The following DPP6 variants were observed in gnomAD, a reference collection of about 807,000 sequenced individuals.
DPP6 encodes A-type potassium channel modulatory protein DPP6.
DPP6 carries 69 observed loss-of-function variants against 122.6 expected under a neutral mutation model. The observed-to-expected ratio is 0.56, with a 90% confidence interval of 0.46 to 0.69. The LOEUF is 0.69. Ranked by LOEUF, DPP6 falls within the 30% of genes least tolerant of loss-of-function variation. The pLI, the probability that DPP6 is intolerant of heterozygous loss-of-function variation, is 0.00. For missense variants in DPP6, 928 were observed against 1,116.9 expected (o/e 0.83, Z 2.41); for synonymous variants, 418 against 433.1 (o/e 0.97, Z 0.43).
intron 1 of DPP6, among the ~76,000 whole-genome samples, chr7:154,013,467 T>TTTTTC: frequency 6.6e-6 from 1 of 151,238 alleles, no homozygotes; most frequent in South Asian, 2.1e-4. Flanking sequence ...TCTTTTTTTT[T>TTTTTC]TTTTTTTAAC....
chr7:153,898,345 G>T (rs1799495648), intron 1 of DPP6, among the ~76,000 whole-genome samples: 1 of 152,096 alleles, frequency 6.6e-6, no homozygotes, highest in Non-Finnish European at 1.5e-5. Context: ...CCAGCTACTT[G>T]GGAGGCTTAG....
chr7:153,875,939 A>AC, the DPP6 span, among the ~76,000 whole-genome samples: 2 of 150,580 alleles, frequency 1.3e-5, no homozygotes, highest in African/African-American at 2.4e-5. Flanking sequence ...AAAAAAAAAA[A>AC]CCCTGAAAAA....
At chr7:154,861,892 G>T (rs1196502733) in intron 17 of DPP6, among the ~76,000 whole-genome samples, 1 of 152,186 alleles carries the variant, frequency 6.6e-6, no homozygotes, top group Non-Finnish European at 1.5e-5. Context: ...TAAATAAATG[G>T]AGAGAGAGGA....
intron 1 of DPP6, among the ~76,000 whole-genome samples, chr7:154,324,975 C>T (rs2151025284): frequency 6.6e-6 from 1 of 151,308 alleles, no homozygotes. Context: ...GTTCTCCTGC[C>T]TCACTCAGCC....
At chr7:154,044,154 G>A (rs948093042) in intron 1 of DPP6, among the ~76,000 whole-genome samples, 3 of 152,170 alleles carry the variant, frequency 2.0e-5, no homozygotes, top group African/African-American at 4.8e-5. Flanking sequence ...GGCAATTTCG[G>A]TGTACCTCTC....
At chr7:154,118,237 CTG>C (rs887582251) in intron 1 of DPP6, among the ~76,000 whole-genome samples, 4 of 150,742 alleles carry the variant, frequency 2.7e-5, no homozygotes, top group African/African-American at 9.9e-5. Context: ...AGTCAAGCAA[CTG>C]TATATTTCTT....
chr7:154,522,228 C>G (rs1159132935), intron 3 of DPP6, among the ~76,000 whole-genome samples: 1 of 152,198 alleles, frequency 6.6e-6, no homozygotes, highest in Non-Finnish European at 1.5e-5. Flanking sequence ...CCCGCCTGGG[C>G]CTCCCAAAAT....
At chr7:153,798,132 G>C in the DPP6 span, among the ~76,000 whole-genome samples, 1 of 152,078 alleles carries the variant, frequency 6.6e-6, no homozygotes, top group Non-Finnish European at 1.5e-5. Context: ...GTGAGCCACC[G>C]TGCCCAGCCC....
At chr7:154,775,629 T>C (rs968685819) in intron 10 of DPP6, among the ~76,000 whole-genome samples, 1 of 151,742 alleles carries the variant, frequency 6.6e-6, no homozygotes, top group East Asian at 1.9e-4. Context: ...ATAGAGGCAA[T>C]TGAACAAGGA....
At chr7:154,472,684 C>G (rs1463078972) in intron 2 of DPP6, among the ~76,000 whole-genome samples, 1 of 152,140 alleles carries the variant, frequency 6.6e-6, no homozygotes, top group Non-Finnish European at 1.5e-5. Context: ...GGGAATGAAT[C>G]AAATGATAAA....
chr7:154,798,123 C>T (rs968716165), intron 12 of DPP6, among the ~76,000 whole-genome samples: 2 of 152,214 alleles, frequency 1.3e-5, no homozygotes, highest in African/African-American at 2.4e-5. Flanking sequence ...TCCCTGTCCC[C>T]CTCAAGAGGC....
chr7:154,442,514 C>T (rs1819471716), intron 1 of DPP6, among the ~76,000 whole-genome samples: 1 of 151,794 alleles, frequency 6.6e-6, no homozygotes, highest in South Asian at 2.1e-4. Context: ...TTCCAGGAAA[C>T]AGAAAAGTTG....
At chr7:153,941,338 G>A (rs1801687493) in intron 1 of DPP6, among the ~76,000 whole-genome samples, 1 of 152,208 alleles carries the variant, frequency 6.6e-6, no homozygotes, top group Non-Finnish European at 1.5e-5. Flanking sequence ...TTTCTCTAAA[G>A]CAAACACATG....
chr7:154,652,640 C>T (rs966235970), intron 6 of DPP6, among the ~76,000 whole-genome samples: 1 of 152,128 alleles, frequency 6.6e-6, no homozygotes, highest in African/African-American at 2.4e-5. Context: ...GCTACATGTG[C>T]ACCATGTCCC....
chr7:154,070,800 C>T (rs1393081679), intron 1 of DPP6, among the ~76,000 whole-genome samples: 2 of 151,944 alleles, frequency 1.3e-5, no homozygotes, highest in Non-Finnish European at 2.9e-5. Context: ...CAAACCATTC[C>T]CAATAAGTGA....
At chr7:154,374,097 G>A (rs773510856) in intron 1 of DPP6, among the ~76,000 whole-genome samples, 1 of 152,172 alleles carries the variant, frequency 6.6e-6, no homozygotes, top group East Asian at 1.9e-4. Context: ...ACCCTGTCAC[G>A]TTGCTGTGTC....
intron 1 of DPP6, among the ~76,000 whole-genome samples, chr7:154,112,139 G>A (rs1167256743): frequency 2.6e-5 from 4 of 152,084 alleles, no homozygotes; most frequent in African/African-American, 9.7e-5. Context: ...AACAAACTTA[G>A]GTTTTGGATG....
chr7:153,856,054 T>C, the DPP6 span, among the ~76,000 whole-genome samples: 1 of 152,184 alleles, frequency 6.6e-6, no homozygotes. Context: ...TCACATCATA[T>C]AAGCACAGCT....
chr7:154,175,693 A>C (rs1453473982), intron 1 of DPP6, among the ~76,000 whole-genome samples: 1 of 150,714 alleles, frequency 6.6e-6, no homozygotes, highest in Non-Finnish European at 1.5e-5. Context: ...GCTTAGAAGC[A>C]AGGCTATTTA....
Sources: gnomAD v4.1 joint callset for allele counts (sites outside exome capture counted in the v4.1 genomes callset) on GRCh38, gnomAD v4.1.1 for gene constraint, MANE v1.5 for transcripts, NCBI Gene and HGNC (gene_info 2026-07-23, HGNC 2026-07-21) for gene names.